Variants in MYRIP observed in about 807,000 individuals in gnomAD.
The protein encoded by MYRIP is rab effector MyRIP.
A neutral mutation model predicts 98.0 loss-of-function variants in MYRIP; 49 were observed. The observed-to-expected ratio is 0.50, with a 90% CI of 0.40 to 0.63. The LOEUF (loss-of-function observed/expected upper bound fraction) is 0.63. Among genes scored for constraint, MYRIP ranks in the 30% least tolerant of loss-of-function variants. The pLI is 0.00. For synonymous variants in MYRIP, 404 were observed against 409.5 expected, an observed-to-expected ratio of 0.99 and a Z score of 0.16; for missense variants, 1,004 against 1,058.2, an observed-to-expected ratio of 0.95 and a Z score of 0.71.
chr3:39,903,021 A>G (rs1211834959), intron 2 of MYRIP, among the ~76,000 whole-genome samples: 1 of 152,222 alleles, frequency 6.6e-6, no homozygotes, highest in African/African-American at 2.4e-5. Flanking sequence ...ACTGCTTGCC[A>G]TGGCAGCTCT....
chr3:39,971,553 G>A (rs1945584869), intron 2 of MYRIP, among the ~76,000 whole-genome samples: 1 of 151,988 alleles, frequency 6.6e-6, no homozygotes. Flanking sequence ...AGGTTCAAAA[G>A]GTATCTGTTG....
In MYRIP at chr3:39,843,361, A is replaced by G. The variant is rs543168075; in HGVS notation, c.-31+33445A>G. Among the ~76,000 whole-genome samples the G allele has an allele frequency of 1.6e-4, 24 of 152,330 alleles. 1 individual carries two copies. The Middle Eastern group carries it at 0.017, about 108-fold the overall frequency. On this transcript the variant is annotated intron_variant, in intron 1 of 16. Coordinates refer to ENST00000302541, the MANE Select transcript of MYRIP (RefSeq NM_015460.4). ...ATTTATTTCAACTTTCACTATATTG[A>G]GGCTTCGAAAAAAGACAAGAAAGAA... is the stretch of plus-strand genomic sequence containing the variant.
At chr3:39,975,905 G>A (rs1196965321) in intron 2 of MYRIP, among the ~76,000 whole-genome samples, 1 of 152,056 alleles carries the variant, frequency 6.6e-6, no homozygotes, top group Non-Finnish European at 1.5e-5. Flanking sequence ...AATTCCAGAT[G>A]GATTAAAGAC....
chr3:40,252,098 A>G (rs540276681), intron 16 of MYRIP, 99 bp downstream of exon 16: 373 of 897,328 alleles, frequency 4.2e-4, no homozygotes, highest in Middle Eastern at 3.9e-3. Context: ...AGAACCCCCA[A>G]AAAGTATCCT....
chr3:39,859,574 A>G (rs961140692), intron 1 of MYRIP, among the ~76,000 whole-genome samples: 4 of 152,214 alleles, frequency 2.6e-5, no homozygotes, highest in African/African-American at 7.2e-5. Context: ...ATGACAAGAA[A>G]ATCGCAGAAG....
At chr3:39,910,325 A>G (rs1208116657) in intron 2 of MYRIP, among the ~76,000 whole-genome samples, 2 of 152,244 alleles carry the variant, frequency 1.3e-5, no homozygotes, top group Non-Finnish European at 2.9e-5. Context: ...GTACCAAGGC[A>G]GTACACTGCC....
At chr3:40,071,927 A>G (rs1417939052) in intron 3 of MYRIP, among the ~76,000 whole-genome samples, 3 of 152,124 alleles carry the variant, frequency 2.0e-5, no homozygotes, top group Non-Finnish European at 4.4e-5. Flanking sequence ...TGGTTGGGAC[A>G]CCTAAATCTG....
chr3:40,215,530 A>G (rs753312091), intron 11 of MYRIP, among the ~76,000 whole-genome samples: 53 of 152,252 alleles, frequency 3.5e-4, no homozygotes, highest in South Asian at 1.7e-3. Flanking sequence ...ATGGTGAAGG[A>G]AGCAGATTTA....
chr3:40,212,293 C>T (rs1172607199), intron 11 of MYRIP, among the ~76,000 whole-genome samples: 2 of 139,454 alleles, frequency 1.4e-5, no homozygotes, highest in Non-Finnish European at 3.2e-5. Context: ...GCCATATAGA[C>T]TATATATATA....
chr3:40,249,402 T>C (rs1575681263), intron 13 of MYRIP, among the ~76,000 whole-genome samples: 2 of 152,212 alleles, frequency 1.3e-5, no homozygotes, highest in African/African-American at 2.4e-5. Flanking sequence ...CTGCCCAGAT[T>C]GGCTGTGAGA....
At position 40,190,330 on chromosome 3, in the gene MYRIP, G is replaced by A; in HGVS notation, c.1532G>A (p.Ser511Asn). ...GCCAGCAGGGAGACCTCGGACAGCA[G>A]CGAGCCGGAGGAGGCCCCCCACACC... The part of the protein sequence containing the change: ...QLASRETSDS[S>N]EPEEAPHTTD... The change falls in exon 10 of 17, where the codon AGC (serine) becomes AAC (asparagine). Residue 511 changes from serine to asparagine, a missense_variant. Physicochemically the swap from Ser to Asn is conservative, Grantham distance 46. Coordinates refer to ENST00000302541, the MANE Select transcript of MYRIP (RefSeq NM_015460.4). 6.2e-7 allele frequency: 1 copy of A among 1,613,982 alleles called. No homozygotes were observed. Among genetic ancestry groups the A allele is most frequent in the Non-Finnish European group, 8.5e-7 (1 of 1,179,958 alleles).
intron 10 of MYRIP, among the ~76,000 whole-genome samples, 165 bp downstream of exon 10, chr3:40,190,628 C>T (rs1276897394): frequency 1.3e-5 from 2 of 152,150 alleles, no homozygotes; most frequent in African/African-American, 4.8e-5. Context: ...GTCACATCAA[C>T]TCTTTGGGAC....
At chr3:40,011,084 A>G (rs963608681) in intron 2 of MYRIP, among the ~76,000 whole-genome samples, 3 of 152,188 alleles carry the variant, frequency 2.0e-5, no homozygotes, top group Admixed American at 2.0e-4. Context: ...CAAATCATAG[A>G]TCAAGATGGC....
chr3:40,226,987 C>T (rs1303248107), intron 11 of MYRIP, among the ~76,000 whole-genome samples: 1 of 152,180 alleles, frequency 6.6e-6, no homozygotes. Flanking sequence ...CCAAACCTTA[C>T]CCCAAAGTAA....
At chr3:40,067,622 A>G (rs1948149066) in intron 3 of MYRIP, among the ~76,000 whole-genome samples, 1 of 152,116 alleles carries the variant, frequency 6.6e-6, no homozygotes, top group African/African-American at 2.4e-5. Flanking sequence ...TAGGTATTGT[A>G]CTCAGAATGA....
In MYRIP at chr3:40,165,543, C is replaced by A. The variant is rs537132845; in HGVS notation, c.551-1303C>A. ...GAGGTTGAAATTGGGGACAAGGAGA[C>A]CCAGGTACCTAGCCCTTGCTGACCT... On this transcript the variant is annotated intron_variant, in intron 5 of 16. Transcript: ENST00000302541. Among the ~76,000 whole-genome samples the A allele has an allele frequency of 1.7e-4, 26 of 152,168 alleles. No homozygotes were observed. In the South Asian group the frequency reaches 5.4e-3, roughly 32 times the overall value.
intron 16 of MYRIP, 63 bp downstream of exon 16, chr3:40,252,062 G>A: frequency 7.8e-7 from 1 of 1,279,582 alleles, no homozygotes; most frequent in Admixed American, 1.9e-5. Flanking sequence ...CCACTCTGCA[G>A]CCTTTCCTTC....
chr3:40,075,801 C>T (rs1003857701), intron 3 of MYRIP, among the ~76,000 whole-genome samples: 10 of 152,024 alleles, frequency 6.6e-5, no homozygotes, highest in Admixed American at 4.6e-4. Flanking sequence ...CATAGAAATA[C>T]TTAAATGTGG....
At chr3:39,824,970 G>T (rs965145817) in intron 1 of MYRIP, among the ~76,000 whole-genome samples, 2 of 152,112 alleles carry the variant, frequency 1.3e-5, no homozygotes, top group African/African-American at 4.8e-5. Context: ...CTTCCACCTT[G>T]TATTTCCATA....
Sources: gnomAD v4.1 joint callset for allele counts (sites outside exome capture counted in the v4.1 genomes callset) on GRCh38, gnomAD v4.1.1 for gene constraint, MANE v1.5 for transcripts, NCBI Gene and HGNC (gene_info 2026-07-23, HGNC 2026-07-21) for gene names.